The following STX6 variants were observed in gnomAD, a reference collection of about 807,000 sequenced individuals.
STX6 encodes the protein syntaxin 6.
Under a neutral mutation model 38.0 loss-of-function variants are expected in STX6, and 23 were observed. The ratio of observed to expected loss-of-function variants is 0.60; its 90% CI spans 0.43 to 0.86. STX6 has a LOEUF of 0.86. Among genes scored for constraint, STX6 ranks in the 40% least tolerant of loss-of-function variants. STX6 has a pLI of 0.00. For synonymous variants in STX6, 123 were observed against 107.5 expected (o/e 1.14, Z -0.89); for missense variants, 274 against 312.9 (o/e 0.88, Z 0.94).
At chr1:180,977,315 T>C (rs938445576) in intron 7 of STX6, among the ~76,000 whole-genome samples, 86 of 152,276 alleles carry the variant, frequency 5.6e-4, no homozygotes, top group Non-Finnish European at 7.4e-5. Context: ...TTGACTAGAG[T>C]CCATCCAAAT....
In STX6 at chr1:180,986,111, T is replaced by C. The variant is rs555048669; in HGVS notation, c.597-1340A>G. Among the ~76,000 whole-genome samples, 11 of 152,362 alleles carry C rather than the reference T, an allele frequency of 7.2e-5. No individual in the cohort carries two copies. In the South Asian group the frequency reaches 2.1e-3, roughly 29 times the overall value. ...TTTCTGCGCTAGGTATGACTTTTCA[T>C]ACTGAAGACAAAACAGGCACATCAT... On this transcript the variant is annotated intron_variant, in intron 6 of 7. Transcript: ENST00000258301.
intron 1 of STX6, among the ~76,000 whole-genome samples, chr1:181,016,529 A>T (rs1300297256): frequency 2.0e-5 from 3 of 152,224 alleles, no homozygotes; most frequent in Non-Finnish European, 4.4e-5. Context: ...CTTTTTAGAA[A>T]GTATTAAATT....
At chr1:181,018,568 T>C (rs866208308) in intron 1 of STX6, among the ~76,000 whole-genome samples, 1 of 151,904 alleles carries the variant, frequency 6.6e-6, no homozygotes, top group African/African-American at 2.4e-5. Context: ...AAGTTTCATT[T>C]TCCTTTTTGT....
Position 181,022,650 on chromosome 1 carries a change from AAAG to A in STX6, c.21_23del (p.Phe8del). On this transcript the variant is annotated inframe_deletion, in exon 1 of 8. Coordinates refer to ENST00000258301, the MANE Select transcript of STX6 (RefSeq NM_005819.6). ...CGGCCGACACTCACCCTTTCACCACAAAGAAGGGGTCCTCCATGGACATGGCGT... is the reference window on the plus strand; with the variant it reads ...CGGCCGACACTCACCCTTTCACCACAAAGGGGTCCTCCATGGACATGGCGT... The A allele has an allele frequency of 8.7e-6, 14 of 1,610,626 alleles. No homozygotes were observed. Among genetic ancestry groups the A allele is most frequent in the South Asian group, 2.2e-5 (2 of 90,532 alleles).
chr1:180,978,283 C>T (rs545441951), intron 7 of STX6, among the ~76,000 whole-genome samples: 1 of 152,234 alleles, frequency 6.6e-6, no homozygotes, highest in African/African-American at 2.4e-5. Flanking sequence ...AAACTGCTGC[C>T]CCTAAAACTG....
rs372474551 is a variant in STX6 at position 180,988,040 on chromosome 1, C to A, written c.596+199G>T. On this transcript the variant is annotated intron_variant, in intron 6 of 7. Coordinates refer to ENST00000258301, the MANE Select transcript of STX6 (RefSeq NM_005819.6). ...GTGTTTAAAAATAATAACAACTTCA[C>A]CTAAAGCCTGTAGTAAAATTTACGA... is the stretch of plus-strand genomic sequence containing the variant. 35 of 458,148 alleles carry A rather than the reference C, an allele frequency of 7.6e-5. No homozygotes were observed. In the East Asian group the frequency reaches 7.8e-4, roughly 10 times the overall value. The allele number at this position is 458,148 out of a possible 1,614,324, so 28.4% of individuals were successfully genotyped here.
At chr1:181,007,202 T>C (rs1392481290) in intron 1 of STX6, among the ~76,000 whole-genome samples, 2 of 152,190 alleles carry the variant, frequency 1.3e-5, no homozygotes, top group Admixed American at 1.3e-4. Flanking sequence ...AGTGGCATAG[T>C]ATTTGCATAT....
chr1:180,978,618 T>G (rs935400879), intron 7 of STX6, among the ~76,000 whole-genome samples: 30 of 152,198 alleles, frequency 2.0e-4, no homozygotes, highest in African/African-American at 6.0e-4. Context: ...TCCAGAGCAC[T>G]CTGTTCTAAA....
intron 7 of STX6, among the ~76,000 whole-genome samples, chr1:180,983,701 G>A (rs914318682): frequency 6.6e-6 from 1 of 152,138 alleles, no homozygotes; most frequent in Admixed American, 6.5e-5. Flanking sequence ...TTTTACATAA[G>A]TTCCCTATTT....
intron 1 of STX6, among the ~76,000 whole-genome samples, chr1:181,010,262 G>GTCAA (rs1386771720): frequency 5.9e-5 from 9 of 151,982 alleles, no homozygotes; most frequent in Non-Finnish European, 1.2e-4. Context: ...ATACTTGAGG[G>GTCAA]TCAAGATTTT....
At chr1:181,000,538 C>T (rs1403820339) in intron 3 of STX6, among the ~76,000 whole-genome samples, 2 of 152,146 alleles carry the variant, frequency 1.3e-5, no homozygotes, top group African/African-American at 4.8e-5. Flanking sequence ...ATTCAATTAC[C>T]TCCACCTGGT....
chr1:180,981,992 A>G (rs1655431197), intron 7 of STX6, among the ~76,000 whole-genome samples: 1 of 152,208 alleles, frequency 6.6e-6, no homozygotes, highest in Non-Finnish European at 1.5e-5. Flanking sequence ...GGAATGTTGG[A>G]AAGTAAGAGG....
In STX6 at chr1:180,978,630, A is replaced by G. The variant is rs530566186; in HGVS notation, c.692-1984T>C. The stretch of plus-strand genomic sequence containing the variant: ...TACTCCAGAGCACTCTGTTCTAAAC[A>G]AAGTCTGCCCTCAAAAGAAACTAAC... On this transcript the variant is annotated intron_variant, in intron 7 of 7. Coordinates refer to ENST00000258301, the MANE Select transcript of STX6 (RefSeq NM_005819.6). Among the ~76,000 whole-genome samples, 29 of 152,330 alleles carry G rather than the reference A, an allele frequency of 1.9e-4. No homozygotes were observed. The East Asian group carries it at 5.4e-3, about 28-fold the overall frequency.
chr1:180,983,197 T>G (rs1448601439), intron 7 of STX6, among the ~76,000 whole-genome samples: 1 of 152,066 alleles, frequency 6.6e-6, no homozygotes, highest in Non-Finnish European at 1.5e-5. Flanking sequence ...TTATGTAACC[T>G]ATGAGTTAAA....
In STX6 at chr1:181,022,724, G is replaced by A. The variant is rs377042939; in HGVS notation, c.-51C>T. 4.7e-5 allele frequency: 73 copies of A among 1,561,120 alleles called. No homozygotes were observed. In the African/African-American group the frequency reaches 9.0e-4, roughly 19 times the overall value. ...CCTCCTCCGCGCACAGGGCGCCCGT[G>A]CCTCCCGGTCTCCCTCCGCCCACCC... On this transcript the variant is annotated 5_prime_UTR_variant, in exon 1 of 8. Transcript: ENST00000258301.
intron 1 of STX6, among the ~76,000 whole-genome samples, chr1:181,010,667 T>C (rs139957054): frequency 6.6e-6 from 1 of 152,164 alleles, no homozygotes; most frequent in African/African-American, 2.4e-5. Context: ...TAGTACAAGC[T>C]GATGAGGAAT....
chr1:180,993,550 G>A (rs561154808), intron 3 of STX6, 125 bp from the exon 4 acceptor site: 16 of 501,436 alleles, frequency 3.2e-5, no homozygotes, highest in African/African-American at 2.6e-4. Flanking sequence ...CGCATTTCTT[G>A]GCTTTATTTT....
In STX6 at chr1:180,993,369, AT is replaced by A; in HGVS notation, c.356del (p.Asn119IlefsTer46). ...SSVQALAERKNRQALLGDSGS... is the reference protein window; with the variant it reads ...SSVQALAERKXRQALLGDSGS... ...TATTCTGATGTTTTCTCACCTGTCT[AT>A]TTTTTCTTTCAGCTAATGCCTGCAC... On this transcript the variant is annotated frameshift_variant, in exon 4 of 8. Transcript: ENST00000258301. LOFTEE classifies it high-confidence loss of function. 1.3e-6 allele frequency: 2 copies of A among 1,562,396 alleles called. No individual in the cohort carries two copies. Among genetic ancestry groups the A allele is most frequent in the Non-Finnish European group, 8.8e-7 (1 of 1,134,360 alleles).
At chr1:180,983,706 C>T (rs1655478884) in intron 7 of STX6, among the ~76,000 whole-genome samples, 1 of 152,106 alleles carries the variant, frequency 6.6e-6, no homozygotes, top group Non-Finnish European at 1.5e-5. Flanking sequence ...CATAAGTTCC[C>T]TATTTTGGCA....
Sources: gnomAD v4.1 joint callset for allele counts (sites outside exome capture counted in the v4.1 genomes callset) on GRCh38, gnomAD v4.1.1 for gene constraint, MANE v1.5 for transcripts, NCBI Gene and HGNC (gene_info 2026-07-23, HGNC 2026-07-21) for gene names.